ESR1: variants seen among roughly 807,000 people sequenced by gnomAD.
ESR1 encodes the protein estrogen receptor.
A neutral mutation model predicts 52.7 loss-of-function variants in ESR1; 12 were observed. The ratio of observed to expected loss-of-function variants is 0.23; its 90% CI spans 0.15 to 0.37. The LOEUF (loss-of-function observed/expected upper bound fraction) is 0.37, where lower values mean the gene tolerates loss of function less well. Among genes scored for constraint, ESR1 ranks in the 10% least tolerant of loss-of-function variants. The pLI is 1.00. For synonymous variants in ESR1, 305 were observed against 316.8 expected (o/e 0.96, Z 0.39); for missense variants, 584 against 779.7 (o/e 0.75, Z 2.99).
At chr6:151,701,001 T>C (rs977102757) in intron 1 of ESR1, among the ~76,000 whole-genome samples, 1 of 152,144 alleles carries the variant, frequency 6.6e-6, no homozygotes, top group Non-Finnish European at 1.5e-5. Context: ...GAATTTTACA[T>C]GTAATTAAAA....
At chr6:151,844,362 T>C (rs1440435027) in intron 2 of ESR1, among the ~76,000 whole-genome samples, 1 of 152,152 alleles carries the variant, frequency 6.6e-6, no homozygotes, top group South Asian at 2.1e-4. Flanking sequence ...AGCATTTAAT[T>C]TGGCAGTGAA....
intron 5 of ESR1, among the ~76,000 whole-genome samples, chr6:152,038,490 G>A (rs2982715): frequency 0.44 from 66,783 of 151,886 alleles, 16,628 homozygotes; most frequent in African/African-American, 0.67. Context: ...AATCATACAT[G>A]ATCTCCAAAT....
intron 1 of ESR1, among the ~76,000 whole-genome samples, chr6:151,822,641 G>A (rs1225093395): frequency 6.6e-6 from 1 of 152,214 alleles, no homozygotes. Context: ...TCCAGCAGGT[G>A]GAGAGGAAGT....
chr6:151,775,745 CAAA>C (rs397954103), intron 2 of ESR1, among the ~76,000 whole-genome samples: 3 of 77,344 alleles, frequency 3.9e-5, no homozygotes, highest in Non-Finnish European at 5.3e-5. Context: ...GACTCCGTCT[CAAA>C]AAAAAAAAAA....
At chr6:151,883,342 G>A (rs1793280379) in intron 3 of ESR1, among the ~76,000 whole-genome samples, 1 of 151,514 alleles carries the variant, frequency 6.6e-6, no homozygotes, top group African/African-American at 2.4e-5. Context: ...TGGCCAGGCT[G>A]GTCTTGAACT....
intron 5 of ESR1, among the ~76,000 whole-genome samples, chr6:152,031,309 A>T (rs2044678425): frequency 6.6e-6 from 1 of 152,222 alleles, no homozygotes; most frequent in Non-Finnish European, 1.5e-5. Context: ...TGAAGGAGAT[A>T]GAGACACAAA....
intron 2 of ESR1, among the ~76,000 whole-genome samples, chr6:151,786,406 G>A (rs1787024160): frequency 6.6e-6 from 1 of 152,192 alleles, no homozygotes; most frequent in South Asian, 2.1e-4. Flanking sequence ...AGGTGAGCTG[G>A]AGACCTGGCA....
intron 2 of ESR1, among the ~76,000 whole-genome samples, chr6:151,784,963 C>G (rs1419600091): frequency 3.3e-5 from 5 of 152,132 alleles, no homozygotes; most frequent in Non-Finnish European, 5.9e-5. Context: ...CTGGAAACTT[C>G]AGTTTTTGCT....
intron 2 of ESR1, among the ~76,000 whole-genome samples, chr6:151,747,893 AC>A (rs1221927790): frequency 6.6e-6 from 1 of 152,240 alleles, no homozygotes; most frequent in Non-Finnish European, 1.5e-5. Flanking sequence ...GAGTTGATGA[AC>A]ATTTGGGTTT....
chr6:151,950,709 A>G (rs1013608063), intron 4 of ESR1, among the ~76,000 whole-genome samples: 1 of 152,074 alleles, frequency 6.6e-6, no homozygotes, highest in African/African-American at 2.4e-5. Context: ...ACTGGCTAAC[A>G]TCGGAAACTA....
intron 2 of ESR1, among the ~76,000 whole-genome samples, chr6:151,712,100 A>T (rs1249550921): frequency 6.6e-6 from 1 of 152,172 alleles, no homozygotes; most frequent in Non-Finnish European, 1.5e-5. Context: ...TTAAATAGGG[A>T]ATCCTTTCCC....
intron 1 of ESR1, among the ~76,000 whole-genome samples, chr6:151,838,855 G>A (rs970729184): frequency 1.3e-5 from 2 of 152,012 alleles, no homozygotes; most frequent in Non-Finnish European, 2.9e-5. Context: ...CAGTAAGCTG[G>A]GGGTCATCTT....
intron 3 of ESR1, among the ~76,000 whole-genome samples, chr6:151,938,791 T>TACA (rs1384087411): frequency 6.6e-6 from 1 of 152,156 alleles, no homozygotes; most frequent in African/African-American, 2.4e-5. Flanking sequence ...TCTAAATCCT[T>TACA]ACAACAACGT....
At chr6:151,786,179 A>G (rs1363496997) in intron 2 of ESR1, among the ~76,000 whole-genome samples, 1 of 152,194 alleles carries the variant, frequency 6.6e-6, no homozygotes, top group Non-Finnish European at 1.5e-5. Context: ...AGTCACAAGG[A>G]TGCCCTGGAT....
At position 151,771,692 on chromosome 6, in the gene ESR1, A is replaced by G. The variant is rs150275574; in HGVS notation, c.-70-36151A>G. On this transcript the variant is annotated intron_variant, in intron 2 of 2. Transcript: ENST00000404742. ...ATCATTTAAATATATATGTTTAGAT[A>G]TTTGCTAAATTATGAACCGCAGTTA... is the stretch of plus-strand genomic sequence containing the variant. 1.9e-3 allele frequency among the ~76,000 whole-genome samples: 287 copies of G among 152,304 alleles called. 4 individuals carry two copies. Among genetic ancestry groups the G allele is most frequent in the Non-Finnish European group, 5.4e-4 (37 of 68,030 alleles).
chr6:151,792,702 A>T (rs971110268), intron 2 of ESR1, among the ~76,000 whole-genome samples: 1 of 152,142 alleles, frequency 6.6e-6, no homozygotes, highest in Admixed American at 6.5e-5. Context: ...GCCTCCCAGC[A>T]TGCTGGGATT....
intron 1 of ESR1, among the ~76,000 whole-genome samples, chr6:151,660,720 T>C (rs981243884): frequency 2.0e-5 from 3 of 152,214 alleles, no homozygotes; most frequent in African/African-American, 7.2e-5. Flanking sequence ...GTAGACTCTT[T>C]TGTATGTATA....
chr6:152,126,607 T>G (rs1487430650), exon 7 of ESR1: 2 of 152,232 alleles, frequency 1.3e-5, no homozygotes, highest in Non-Finnish European at 2.9e-5. Context: ...GCTTATTTGC[T>G]ACAAGTAAAT....
chr6:151,852,124 C>T lies in ESR1; in HGVS notation c.643+9337C>T, dbSNP rs545304540. Among the ~76,000 whole-genome samples, 100 of 152,132 alleles carry T rather than the reference C, an allele frequency of 6.6e-4. 1 individual carries two copies. The highest frequency in any genetic ancestry group is 2.4e-3 in the African/African-American group (98 of 41,520). On this transcript the variant is annotated intron_variant, in intron 2 of 7. Coordinates refer to ENST00000206249, the MANE Select transcript of ESR1 (RefSeq NM_000125.4). Reference sequence around the variant, plus strand: ...ACTGAGAAATGAATGACTTGGTCACCAAGAGGAAGGCCAGTCATCAGGGGG... The same window carrying T: ...ACTGAGAAATGAATGACTTGGTCACTAAGAGGAAGGCCAGTCATCAGGGGG...
Sources: allele counts gnomAD v4.1 joint callset (sites outside exome capture counted in the v4.1 genomes callset), GRCh38; gene constraint gnomAD v4.1.1; transcripts MANE v1.5; gene names NCBI Gene and HGNC (gene_info 2026-07-23, HGNC 2026-07-21).